The following ERAP1 variants were observed in gnomAD, a reference collection of about 807,000 sequenced individuals.
The protein encoded by ERAP1 is adipocyte-derived leucine aminopeptidase.
In ERAP1, 86 loss-of-function variants were observed where a neutral mutation model predicts 103.7. That is an observed-to-expected ratio of 0.83 (90% CI 0.70 to 0.99). The LOEUF (loss-of-function observed/expected upper bound fraction) is 0.99, where lower values mean the gene tolerates loss of function less well. Ranked by LOEUF, ERAP1 falls within the 50% of genes least tolerant of loss-of-function variation. ERAP1 has a pLI of 0.00. For missense variants in ERAP1, 1,009 were observed against 1,128.4 expected (o/e 0.89, Z 1.52); for synonymous variants, 398 against 402.4 (o/e 0.99, Z 0.13).
In ERAP1 at chr5:96,774,928, A is replaced by G. The variant is rs2150860412; in HGVS notation, c.*1468T>C. 2.0e-6 allele frequency: 2 copies of G among 985,316 alleles called. No homozygotes were observed. Among genetic ancestry groups the G allele is most frequent in the African/African-American group, 1.7e-5 (1 of 57,314 alleles). 61.0% of individuals were successfully genotyped at this position (985,316 alleles called of 1,614,324 possible). ...TTGACATTTTTCGTACCAATCATCA[A>G]TCATATTCCCTTATCTTGAAGTTTT... On this transcript the variant is annotated 3_prime_UTR_variant, in exon 19 of 19. Coordinates refer to ENST00000443439, the MANE Select transcript of ERAP1 (RefSeq NM_001040458.3).
chr5:96,889,118 G>A, the ERAP1 span: 7 of 1,592,050 alleles, frequency 4.4e-6, no homozygotes, highest in African/African-American at 1.3e-5. Context: ...GTGTGAGAGG[G>A]TTATCAGGAA....
rs200156544 is a variant in ERAP1, at chr5:96,783,128, A to C, written c.2208T>G (p.Cys736Trp). 7 of 1,614,210 alleles carry C rather than the reference A, an allele frequency of 4.3e-6. No individual in the cohort carries two copies. The African/African-American group carries it at 8.0e-5, about 18-fold the overall frequency. ...GTACGCACGGCTGATAGTTGTGCACACAGGCGAGGAGTAGTAGTTGACTCC... is the reference window on the plus strand; with the variant it reads ...GTACGCACGGCTGATAGTTGTGCACCCAGGCGAGGAGTAGTAGTTGACTCC... ...MLRSQLLLLA[C>W]VHNYQPCVQR... is the part of the protein sequence containing the mutation. The change falls in exon 15 of 19, where the codon TGT (cysteine) becomes TGG (tryptophan). Residue 736 changes from cysteine to tryptophan, a missense_variant. This residue lies in a region of ERAP1 where 611 missense variants were observed against 651.7 expected (regional missense o/e 0.94). Transcript: ENST00000443439.
At chr5:96,853,481 A>T in the ERAP1 span, among the ~76,000 whole-genome samples, 1 of 152,194 alleles carries the variant, frequency 6.6e-6, no homozygotes, top group South Asian at 2.1e-4. Context: ...TGCCTTATAT[A>T]CTTATCTCTA....
chr5:96,874,253 C>A, the ERAP1 span, among the ~76,000 whole-genome samples: 1 of 152,176 alleles, frequency 6.6e-6, no homozygotes, highest in Non-Finnish European at 1.5e-5. Context: ...AAATAAGCTA[C>A]AAGTACTTGA....
At chr5:96,934,657 C>T in the ERAP1 span, 1 of 152,254 alleles carries the variant, frequency 6.6e-6, no homozygotes, top group Non-Finnish European at 1.5e-5. Context: ...TTCGATTTGA[C>T]TTCTTCGAAA....
downstream of ERAP1, chr5:96,769,672 C>T (rs1771515898): frequency 6.6e-6 from 1 of 151,976 alleles, no homozygotes; most frequent in Non-Finnish European, 1.5e-5. Context: ...TATACATTAA[C>T]TCTCTACACT....
rs773084441 is a variant in ERAP1 at position 96,784,056 on chromosome 5, C to T, written c.1968G>A (p.Lys656=). The change falls in exon 14 of 19, where the codon AAG becomes AAA. Residue 656 remains lysine (K), a synonymous_variant. Transcript: ENST00000443439. ...LVSIGKLSIE[K]ALDLSLYLKH... ...TCAAGTACAGGGATAAATCCAAGGC[C>T]TTTTCAATGGACAGCTTCCCAATGC... 14 of 1,614,058 alleles carry T rather than the reference C, an allele frequency of 8.7e-6. No individual in the cohort carries two copies. Among genetic ancestry groups the T allele is most frequent in the Admixed American group, 1.7e-5 (1 of 60,020 alleles).
the ERAP1 span, among the ~76,000 whole-genome samples, chr5:96,849,240 AT>A: frequency 6.6e-6 from 1 of 152,202 alleles, no homozygotes; most frequent in South Asian, 2.1e-4. Flanking sequence ...CACCACTTTT[AT>A]TTAACATAGT....
At chr5:96,890,624 C>A in the ERAP1 span, among the ~76,000 whole-genome samples, 1 of 152,156 alleles carries the variant, frequency 6.6e-6, no homozygotes, top group Non-Finnish European at 1.5e-5. Context: ...TACTTCTTAT[C>A]CTGTCCTTTT....
chr5:96,859,004 A>G, the ERAP1 span, among the ~76,000 whole-genome samples: 3 of 151,792 alleles, frequency 2.0e-5, no homozygotes, highest in African/African-American at 7.3e-5. Flanking sequence ...ATTGGTTGCT[A>G]CAATTCCAAA....
chr5:96,878,354 G>A, the ERAP1 span, among the ~76,000 whole-genome samples: 1 of 152,052 alleles, frequency 6.6e-6, no homozygotes, highest in African/African-American at 2.4e-5. Flanking sequence ...CATAAAATGA[G>A]GCCATTCAGA....
At chr5:96,765,256 ACT>A (rs771326426) in intron 19 of ERAP1, 3 of 1,608,860 alleles carry the variant, frequency 1.9e-6, no homozygotes, top group South Asian at 2.2e-5. Flanking sequence ...CCTTGGATAA[ACT>A]CTCTGACAGT....
chr5:96,879,733 T>G, the ERAP1 span: 2 of 1,614,078 alleles, frequency 1.2e-6, no homozygotes, highest in Non-Finnish European at 1.7e-6. Flanking sequence ...AACCAATGTT[T>G]AACATTCACA....
the ERAP1 span, among the ~76,000 whole-genome samples, chr5:96,826,219 T>C: frequency 6.6e-6 from 1 of 152,220 alleles, no homozygotes; most frequent in Non-Finnish European, 1.5e-5. Flanking sequence ...GCAGTACAAC[T>C]AAACATCTGC....
the ERAP1 span, chr5:96,876,169 G>A: frequency 2.6e-5 from 4 of 152,554 alleles, no homozygotes; most frequent in South Asian, 8.3e-4. Flanking sequence ...ACAAGGAGAA[G>A]TTCAAGATCA....
the ERAP1 span, chr5:96,934,199 GATA>G: frequency 6.6e-6 from 1 of 152,366 alleles, no homozygotes; most frequent in South Asian, 2.1e-4. Context: ...AAGGGAGACT[GATA>G]ATAAGCAACA....
At chr5:96,801,739 C>T (rs1778016682) in intron 2 of ERAP1, among the ~76,000 whole-genome samples, 1 of 150,688 alleles carries the variant, frequency 6.6e-6, no homozygotes, top group Admixed American at 6.7e-5. Context: ...GTAATCCCAG[C>T]TACTCAGGAG....
chr5:96,923,310 G>C, the ERAP1 span, among the ~76,000 whole-genome samples: 2 of 152,210 alleles, frequency 1.3e-5, no homozygotes, highest in Non-Finnish European at 2.9e-5. Context: ...CATACTATTT[G>C]TTGACCCCTC....
At chr5:96,903,458 G>A in the ERAP1 span, 2 of 1,614,002 alleles carry the variant, frequency 1.2e-6, no homozygotes. Flanking sequence ...CACTATGAGG[G>A]TCATGGATGG....
Sources: allele counts gnomAD v4.1 joint callset (sites outside exome capture counted in the v4.1 genomes callset), GRCh38; gene constraint gnomAD v4.1.1; regional missense constraint gnomAD v4.1.1; transcripts MANE v1.5; gene names NCBI Gene and HGNC (gene_info 2026-07-23, HGNC 2026-07-21).